The following CLIP2 variants were observed in gnomAD, a reference collection of about 807,000 sequenced individuals.
CLIP2 encodes CAP-Gly domain containing linker protein 2.
A neutral mutation model predicts 111.7 loss-of-function variants in CLIP2; 41 were observed. That is an observed-to-expected ratio of 0.37 (90% CI 0.29 to 0.48). CLIP2 has a LOEUF of 0.48. Ranked by LOEUF, CLIP2 falls within the 20% of genes least tolerant of loss-of-function variation. The pLI, the probability that CLIP2 is intolerant of heterozygous loss-of-function variation, is 0.99. For synonymous variants in CLIP2, 660 were observed against 644.2 expected (o/e 1.02, Z -0.37); for missense variants, 1,160 against 1,422.1 (o/e 0.82, Z 2.96).
chr7:74,400,209 C>T (rs1198093877), intron 14 of CLIP2, among the ~76,000 whole-genome samples, 161 bp from the exon 15 acceptor site: 1 of 150,922 alleles, frequency 6.6e-6, no homozygotes, highest in Non-Finnish European at 1.5e-5. Flanking sequence ...CACTTGGAGA[C>T]CATGGAGCAC....
At chr7:74,330,061 G>A (rs1393989093) in intron 2 of CLIP2, among the ~76,000 whole-genome samples, 1 of 151,844 alleles carries the variant, frequency 6.6e-6, no homozygotes, top group Non-Finnish European at 1.5e-5. Context: ...TTACAGATGT[G>A]AGCCACTGCA....
chr7:74,380,396 C>G (rs1790910158), intron 10 of CLIP2: 1 of 155,796 alleles, frequency 6.4e-6, no homozygotes, highest in Admixed American at 6.4e-5. Context: ...CACACTAACC[C>G]AAAGCAGCCA....
At chr7:74,397,657 GTTTTTT>G (rs1221589920) in intron 14 of CLIP2, among the ~76,000 whole-genome samples, 1 of 113,416 alleles carries the variant, frequency 8.8e-6, no homozygotes, top group African/African-American at 3.7e-5. Context: ...GGGTGGCTGA[GTTTTTT>G]TTGTTTTTTT....
At chr7:74,307,692 T>C (rs2116477629) in intron 1 of CLIP2, among the ~76,000 whole-genome samples, 1 of 152,106 alleles carries the variant, frequency 6.6e-6, no homozygotes, top group East Asian at 1.9e-4. Flanking sequence ...AGGGTTTCAC[T>C]CTGTTGGCCA....
intron 15 of CLIP2, 68 bp downstream of exon 15, chr7:74,400,623 G>C: frequency 7.1e-7 from 1 of 1,408,576 alleles, no homozygotes; most frequent in Non-Finnish European, 9.5e-7. Flanking sequence ...GCCCCCGTCT[G>C]ATGCGGGAGG....
intron 10 of CLIP2, chr7:74,380,394 C>G (rs1320579289): frequency 6.4e-6 from 1 of 155,614 alleles, no homozygotes; most frequent in Non-Finnish European, 1.4e-5. Context: ...CACACACTAA[C>G]CCAAAGCAGC....
At chr7:74,389,440 A>C in intron 13 of CLIP2, 181 bp downstream of exon 13, 1 of 573,750 alleles carries the variant, frequency 1.7e-6, no homozygotes, top group African/African-American at 1.9e-5. Flanking sequence ...AAGCCTCTAC[A>C]CTGTTTTCCA....
At chr7:74,336,322 C>T (rs895038983) in intron 2 of CLIP2, among the ~76,000 whole-genome samples, 6 of 152,068 alleles carry the variant, frequency 3.9e-5, no homozygotes, top group Non-Finnish European at 7.4e-5. Flanking sequence ...CCCACCTTGG[C>T]CCCGCAAAGT....
At chr7:74,365,942 A>T (rs1790462717) in intron 8 of CLIP2, among the ~76,000 whole-genome samples, 2 of 151,766 alleles carry the variant, frequency 1.3e-5, no homozygotes, top group South Asian at 4.2e-4. Context: ...TTTTTTGTAG[A>T]GGCTGGGTCT....
intron 13 of CLIP2, among the ~76,000 whole-genome samples, chr7:74,394,050 T>C (rs1297634062): frequency 3.3e-5 from 5 of 152,078 alleles, no homozygotes; most frequent in African/African-American, 1.2e-4. Flanking sequence ...TGAGTCTCGA[T>C]AGAACTTCCT....
intron 1 of CLIP2, among the ~76,000 whole-genome samples, chr7:74,292,668 G>A (rs576634998): frequency 4.7e-4 from 72 of 152,228 alleles, no homozygotes; most frequent in African/African-American, 1.7e-3. Context: ...GATTACAGGC[G>A]TGAGCCACCA....
At chr7:74,372,632 A>G (rs1006295042) in intron 8 of CLIP2, among the ~76,000 whole-genome samples, 12 of 152,104 alleles carry the variant, frequency 7.9e-5, no homozygotes, top group African/African-American at 2.7e-4. Context: ...TGCTACCCCA[A>G]GCAGGGGCCA....
intron 2 of CLIP2, among the ~76,000 whole-genome samples, chr7:74,336,420 T>C (rs528600314): frequency 2.0e-5 from 3 of 152,128 alleles, no homozygotes; most frequent in African/African-American, 7.2e-5. Flanking sequence ...CACAGTTCCA[T>C]GTGGCTGGGG....
chr7:74,332,025 TA>T (rs1554731383), intron 2 of CLIP2, among the ~76,000 whole-genome samples: 3 of 152,150 alleles, frequency 2.0e-5, no homozygotes, highest in African/African-American at 7.2e-5. Flanking sequence ...GGGCACCATG[TA>T]GATCGGGGTC....
In CLIP2 at chr7:74,289,532, C is replaced by A. The variant is rs1186209089; in HGVS notation, c.-270C>A. 6.6e-6 allele frequency: 1 copy of A among 151,508 alleles called. No homozygotes were observed. Among genetic ancestry groups the A allele is most frequent in the Non-Finnish European group, 1.5e-5 (1 of 67,784 alleles). The allele number at this position is 151,508 out of a possible 1,614,324, so 9.4% of individuals were successfully genotyped here. A position where few individuals can be genotyped will look rare whatever the true frequency, so the allele number is the denominator to read the frequency against. On this transcript the variant is annotated 5_prime_UTR_variant, in exon 1 of 17. Transcript: ENST00000223398. ...GGGCGGCCTCGGTGCGCGCCTCCCG[C>A]CTTCCCAGAGACGTGGCGCGAGGCC...
intron 8 of CLIP2, among the ~76,000 whole-genome samples, chr7:74,365,343 G>T (rs112893251): frequency 6.6e-6 from 1 of 152,120 alleles, no homozygotes; most frequent in Non-Finnish European, 1.5e-5. Flanking sequence ...CATTTCAGGG[G>T]ACTGGAGCCA....
intron 15 of CLIP2, 46 bp downstream of exon 15, chr7:74,400,601 A>G (rs1554317416): frequency 6.7e-7 from 1 of 1,482,258 alleles, no homozygotes. Context: ...GCCACGGGGC[A>G]GTGTCCTCGG....
chr7:74,362,577 C>T (rs1201516538), intron 7 of CLIP2, among the ~76,000 whole-genome samples: 1 of 148,838 alleles, frequency 6.7e-6, no homozygotes, highest in African/African-American at 2.5e-5. Context: ...GCTCTGTCAC[C>T]CAGGCTGGAG....
chr7:74,317,011 C>T (rs1294180626), intron 1 of CLIP2, among the ~76,000 whole-genome samples: 1 of 152,242 alleles, frequency 6.6e-6, no homozygotes, highest in African/African-American at 2.4e-5. Context: ...TCCCAGAGTG[C>T]TGGGATGACA....
Sources: allele counts gnomAD v4.1 joint callset (sites outside exome capture counted in the v4.1 genomes callset), GRCh38; gene constraint gnomAD v4.1.1; transcripts MANE v1.5; gene names NCBI Gene and HGNC (gene_info 2026-07-23, HGNC 2026-07-21).